Variants in CDC20B observed in about 807,000 individuals in gnomAD.
CDC20B encodes the protein cell division cycle 20B.
CDC20B carries 58 observed loss-of-function variants against 64.1 expected under a neutral mutation model. The observed-to-expected ratio is 0.90, with a 90% confidence interval of 0.73 to 1.13. The LOEUF (loss-of-function observed/expected upper bound fraction) is 1.13. CDC20B is among the 50% of genes most tolerant of loss of function. The pLI is 0.00. For missense variants in CDC20B, 597 were observed against 633.0 expected (o/e 0.94, Z 0.61); for synonymous variants, 243 against 230.6 (o/e 1.05, Z -0.49).
At chr5:55,170,320 T>C (rs1561099026) in intron 2 of CDC20B, among the ~76,000 whole-genome samples, 1 of 152,356 alleles carries the variant, frequency 6.6e-6, no homozygotes, top group African/African-American at 2.4e-5. Context: ...TTTTTAGTTA[T>C]GGAAAAGCAG....
At chr5:55,125,102 T>G in intron 8 of CDC20B, 74 bp from the exon 9 acceptor site, 1 of 1,273,672 alleles carries the variant, frequency 7.9e-7, no homozygotes, top group Non-Finnish European at 1.1e-6. Context: ...GAAAGCATAG[T>G]TCAAAGTAAA....
At chr5:55,160,924 T>A in intron 2 of CDC20B, 1 of 1,508,556 alleles carries the variant, frequency 6.6e-7, no homozygotes, top group Non-Finnish European at 8.9e-7. Flanking sequence ...TTTAGGATTT[T>A]AACTACTTGC....
At chr5:55,130,947 C>A (rs1743012974) in intron 6 of CDC20B, among the ~76,000 whole-genome samples, 1 of 151,868 alleles carries the variant, frequency 6.6e-6, no homozygotes, top group Non-Finnish European at 1.5e-5. Context: ...TAAAGTAAGA[C>A]CCCATCTCTA....
At chr5:55,144,075 A>G (rs994669557) in intron 3 of CDC20B, among the ~76,000 whole-genome samples, 9 of 152,106 alleles carry the variant, frequency 5.9e-5, no homozygotes, top group African/African-American at 1.2e-4. Flanking sequence ...TAGTGGAAAG[A>G]GTATCTGGTT....
At chr5:55,139,982 G>A (rs1303167451) in intron 5 of CDC20B, among the ~76,000 whole-genome samples, 3 of 152,064 alleles carry the variant, frequency 2.0e-5, no homozygotes, top group Non-Finnish European at 2.9e-5. Flanking sequence ...AGCCAAGATC[G>A]CACCACTGCA....
intron 9 of CDC20B, among the ~76,000 whole-genome samples, 195 bp downstream of exon 9, chr5:55,124,608 A>G (rs1376087926): frequency 6.6e-6 from 1 of 152,238 alleles, no homozygotes; most frequent in Non-Finnish European, 1.5e-5. Context: ...GGTTTCAGTC[A>G]CCTACAACTA....
At chr5:55,146,978 A>ATTTT (rs928782391) in intron 2 of CDC20B, 122 bp from the exon 3 acceptor site, 1 of 430,806 alleles carries the variant, frequency 2.3e-6, no homozygotes, top group African/African-American at 2.1e-5. Context: ...ATATAATGAG[A>ATTTT]TTTTTTTAAT....
intron 2 of CDC20B, among the ~76,000 whole-genome samples, chr5:55,155,621 T>C (rs1743786083): frequency 6.6e-6 from 1 of 152,212 alleles, no homozygotes; most frequent in South Asian, 2.1e-4. Context: ...GTTTGAACTT[T>C]CAACGCCCTC....
At chr5:55,151,558 T>G (rs772798784) in intron 2 of CDC20B, among the ~76,000 whole-genome samples, 15 of 152,282 alleles carry the variant, frequency 9.9e-5, no homozygotes, top group Admixed American at 2.0e-4. Context: ...AAGAGGAAAT[T>G]AAAGAATAAT....
chr5:55,116,624 T>G (rs538071521), intron 11 of CDC20B, among the ~76,000 whole-genome samples: 85 of 152,286 alleles, frequency 5.6e-4, no homozygotes, highest in Non-Finnish European at 1.1e-3. Flanking sequence ...ATTTTTGTAA[T>G]TTTTCTAGAA....
At chr5:55,131,746 T>C (rs1017468733) in intron 6 of CDC20B, among the ~76,000 whole-genome samples, 1 of 152,070 alleles carries the variant, frequency 6.6e-6, no homozygotes, top group African/African-American at 2.4e-5. Flanking sequence ...CTTTTGAAAG[T>C]TGTACTGTCA....
intron 3 of CDC20B, among the ~76,000 whole-genome samples, 177 bp from the exon 4 acceptor site, chr5:55,143,820 T>C (rs186915023): frequency 1.3e-5 from 2 of 151,964 alleles, no homozygotes; most frequent in East Asian, 3.9e-4. Flanking sequence ...CTCTCGTCGC[T>C]CCAAAGTCCA....
chr5:55,124,840 T>A lies in CDC20B; in HGVS notation c.1178A>T (p.Gln393Leu). ...AGACTGGGTTATGACTTTCAGCGGTTGGCCCTGTGCACTGGCACCTGGATC... is the reference window on the plus strand; with the variant it reads ...AGACTGGGTTATGACTTTCAGCGGTAGGCCCTGTGCACTGGCACCTGGATC... Reference protein sequence around the residue: ...PHDPGASAQGQPLKVITQSTA... With the variant: ...PHDPGASAQGLPLKVITQSTA... Residue 393 changes from glutamine to leucine, a missense_variant, in exon 9 of 12, where the codon CAA (glutamine) becomes CTA (leucine). By Grantham distance (113) the Gln-to-Leu change is moderately radical. Around this residue, in one of 3 missense-constraint regions of CDC20B, gnomAD observed 353 missense variants for 397.0 expected, o/e 0.89. Transcript: ENST00000381375. 6.2e-7 allele frequency: 1 copy of A among 1,614,216 alleles called. No homozygotes were observed. The highest frequency in any genetic ancestry group is 8.5e-7 in the Non-Finnish European group (1 of 1,180,026).
chr5:55,114,310 C>T lies in CDC20B; in HGVS notation c.1468G>A (p.Gly490Ser). ...SRSGGFFGHRGRVLHLSLSPD... is the reference protein window; with the variant it reads ...SRSGGFFGHRSRVLHLSLSPD... ...CTCAAAGACAGGTGCAGCACTCTGC[C>T]CCTGTGGCCTGGGGGAAGAAGGAAA... The change falls in exon 12 of 12, where the codon GGC becomes AGC. Residue 490 changes from glycine (G) to serine (S), a missense_variant. Around this residue, in one of 3 missense-constraint regions of CDC20B, gnomAD observed 353 missense variants for 397.0 expected, o/e 0.89. Transcript: ENST00000381375. This position sits in a 1 kb window ranked among gnomAD's most constrained non-coding sequence, Gnocchi z 4.1. 6.2e-7 allele frequency: 1 copy of T among 1,613,628 alleles called. No homozygotes were observed. Among genetic ancestry groups the T allele is most frequent in the Non-Finnish European group, 8.5e-7 (1 of 1,179,696 alleles).
chr5:55,144,078 A>G (rs1343665600), intron 3 of CDC20B, among the ~76,000 whole-genome samples: 1 of 152,010 alleles, frequency 6.6e-6, no homozygotes, highest in African/African-American at 2.4e-5. Context: ...TGGAAAGAGT[A>G]TCTGGTTTGC....
intron 8 of CDC20B, among the ~76,000 whole-genome samples, chr5:55,125,931 TATC>T (rs1020308869): frequency 6.6e-6 from 1 of 152,202 alleles, no homozygotes; most frequent in African/African-American, 2.4e-5. Context: ...GAGACCACCT[TATC>T]ATGTTACTGC....
At chr5:55,162,161 C>T (rs1043827141) in intron 2 of CDC20B, among the ~76,000 whole-genome samples, 3 of 150,764 alleles carry the variant, frequency 2.0e-5, no homozygotes, top group African/African-American at 4.9e-5. Flanking sequence ...TTTAGGAGGC[C>T]GAGGCAGGCA....
chr5:55,148,094 T>C (rs145781904), intron 2 of CDC20B, among the ~76,000 whole-genome samples: 4 of 152,280 alleles, frequency 2.6e-5, no homozygotes, highest in East Asian at 1.9e-4. Context: ...AGAGCTCTTA[T>C]AGAAATTGAC....
intron 2 of CDC20B, among the ~76,000 whole-genome samples, chr5:55,148,709 AAAAAAAG>A (rs1284943889): frequency 3.3e-5 from 5 of 152,252 alleles, no homozygotes; most frequent in Non-Finnish European, 7.3e-5. Context: ...AAATAAAAAC[AAAAAAAG>A]AAAAAAGAAA....
Sources: gnomAD v4.1 joint callset for allele counts (sites outside exome capture counted in the v4.1 genomes callset) on GRCh38, gnomAD v4.1.1 for gene constraint, gnomAD v4.1.1 regional missense constraint, Gnocchi (gnomAD v3.1) non-coding constraint, MANE v1.5 for transcripts, NCBI Gene and HGNC (gene_info 2026-07-23, HGNC 2026-07-21) for gene names.